The following COMT variants were observed in gnomAD, a reference collection of about 807,000 sequenced individuals.
The protein encoded by COMT is catechol-O-methyltransferase.
A neutral mutation model predicts 18.9 loss-of-function variants in COMT; 13 were observed. That is an observed-to-expected ratio of 0.69 (90% CI 0.45 to 1.09). COMT has a LOEUF of 1.09. Among genes scored for constraint, COMT ranks in the 50% least tolerant of loss-of-function variants. COMT has a pLI of 0.00. For missense variants in COMT, 329 were observed against 361.8 expected, an observed-to-expected ratio of 0.91 and a Z score of 0.73; for synonymous variants, 150 against 160.9, an observed-to-expected ratio of 0.93 and a Z score of 0.51.
intron 3 of COMT, among the ~76,000 whole-genome samples, chr22:19,963,054 C>T (rs569283361): frequency 4.1e-4 from 62 of 152,268 alleles, no homozygotes; most frequent in South Asian, 4.1e-4. Context: ...CAGGGTCTGA[C>T]GGTGGTGCAG....
rs1942642199 is a variant in COMT at position 19,969,803 on chromosome 22, C to CTCCA, written c.*1068_*1071dup. 1.0e-6 allele frequency: 1 copy of CTCCA among 979,280 alleles called. No homozygotes were observed. Among genetic ancestry groups the CTCCA allele is most frequent in the Admixed American group, 6.2e-5 (1 of 16,258 alleles). 60.7% of individuals were successfully genotyped at this position (979,280 alleles called of 1,614,324 possible). ...ACAGCAGATGGGCACCTGGGACCAC[C>CTCCA]TCCACCCAGGGCCCTGCCCCAGACG... On this transcript the variant is annotated 3_prime_UTR_variant, in exon 6 of 6. Transcript: ENST00000361682.
Position 19,964,280 on chromosome 22 carries a change from C to T in COMT, c.596C>T (p.Pro199Leu), listed in dbSNP as rs13306279. 323 of 1,613,900 alleles carry T rather than the reference C, an allele frequency of 2.0e-4. No individual in the cohort carries two copies. Among genetic ancestry groups the T allele is most frequent in the Middle Eastern group, 3.3e-4 (2 of 6,084 alleles). ...GACCACTGGAAGGACCGGTACCTGC[C>T]GGACACGCTTCTCTTGGAGGTGAGC... ...FLDHWKDRYLPDTLLLEECGL... is the reference protein window; with the variant it reads ...FLDHWKDRYLLDTLLLEECGL... The change falls in exon 5 of 6, where the codon CCG (proline) becomes CTG (leucine). Residue 199 changes from proline (P) to leucine (L), a missense_variant. Coordinates refer to ENST00000361682, the MANE Select transcript of COMT (RefSeq NM_000754.4).
intron 1 of COMT, among the ~76,000 whole-genome samples, chr22:19,948,088 T>C (rs569785221): frequency 2.0e-5 from 3 of 152,124 alleles, no homozygotes; most frequent in South Asian, 2.1e-4. Context: ...TAAAGAGTAA[T>C]TGCTACAAAC....
Position 19,941,831 on chromosome 22 carries a change from G to A in COMT, c.-158G>A. ...TCGTGGGGCTTCTGGGGCAGCTAGG[G>A]CTGCCCGCCGCGCTGCCTGCGCCGG... On this transcript the variant is annotated 5_prime_UTR_variant, in exon 1 of 6. Transcript: ENST00000361682. The A allele has an allele frequency of 6.7e-7, 1 of 1,500,010 alleles. No individual in the cohort carries two copies. Among genetic ancestry groups the A allele is most frequent in the Non-Finnish European group, 8.8e-7 (1 of 1,134,388 alleles). 92.9% of individuals were successfully genotyped at this position (1,500,010 alleles called of 1,614,324 possible).
intron 2 of COMT, chr22:19,962,291 C>G: frequency 1.6e-6 from 1 of 633,846 alleles, no homozygotes; most frequent in Non-Finnish European, 2.7e-6. Context: ...CCTGCAGGCT[C>G]CACACAGGAC....
At chr22:19,954,137 AC>A (rs1448044845) in intron 1 of COMT, among the ~76,000 whole-genome samples, 1 of 150,238 alleles carries the variant, frequency 6.7e-6, no homozygotes, top group Non-Finnish European at 1.5e-5. Context: ...AGACAAAGTC[AC>A]CGTGGTCCCT....
chr22:19,968,952 A>G lies in COMT; in HGVS notation c.*216A>G, dbSNP rs1291578329. 1.8e-6 allele frequency: 1 copy of G among 567,786 alleles called. No homozygotes were observed. The highest frequency in any genetic ancestry group is 3.2e-6 in the Non-Finnish European group (1 of 316,340). 35.2% of individuals were successfully genotyped at this position (567,786 alleles called of 1,614,324 possible). ...CATGACTTCTTTACTAACACTGGCT[A>G]GCTATATTATCTTATATACTAATAT... On this transcript the variant is annotated 3_prime_UTR_variant, in exon 6 of 6. Coordinates refer to ENST00000361682, the MANE Select transcript of COMT (RefSeq NM_000754.4).
chr22:19,951,996 T>C (rs1941949451), intron 1 of COMT, among the ~76,000 whole-genome samples: 1 of 152,130 alleles, frequency 6.6e-6, no homozygotes, highest in South Asian at 2.1e-4. Flanking sequence ...ATTTTAGGAA[T>C]GTGGCCTTGA....
intron 1 of COMT, among the ~76,000 whole-genome samples, chr22:19,957,456 G>A (rs1046018671): frequency 3.3e-5 from 5 of 152,176 alleles, no homozygotes; most frequent in African/African-American, 1.2e-4. Flanking sequence ...GTCATCTAGG[G>A]TGTGTCCAAT....
In COMT at chr22:19,962,904, C is replaced by T. The variant is rs1601527756; in HGVS notation, c.289+89C>T. 6.7e-7 allele frequency: 1 copy of T among 1,486,658 alleles called. No homozygotes were observed. The highest frequency in any genetic ancestry group is 9.1e-7 in the Non-Finnish European group (1 of 1,101,640). The allele number at this position is 1,486,658 out of a possible 1,614,324, so 92.1% of individuals were successfully genotyped here. A position where few individuals can be genotyped will look rare whatever the true frequency, so the allele number is the denominator to read the frequency against. ...CTTACAGGAGAAGCTGTTATCACCC[C>T]ATTTCCAGGGGGCTGGGAACCCTGG... On this transcript the variant is annotated intron_variant, in intron 3 of 5. Coordinates refer to ENST00000361682, the MANE Select transcript of COMT (RefSeq NM_000754.4).
At position 19,967,513 on chromosome 22, in the gene COMT, G is replaced by A. The variant is rs571240696; in HGVS notation, c.616-1023G>A. On this transcript the variant is annotated intron_variant, in intron 5 of 5. Coordinates refer to ENST00000361682, the MANE Select transcript of COMT (RefSeq NM_000754.4). ...CTTGCAGCCGTGTGGTGTCCATACT[G>A]TCACATGAAAGCCCCCTGCTTTCTC... The A allele has an allele frequency of 6.5e-5, 26 of 399,412 alleles. No individual in the cohort carries two copies. The Middle Eastern group carries it at 1.1e-3, about 17-fold the overall frequency. 24.7% of individuals were successfully genotyped at this position (399,412 alleles called of 1,614,324 possible). A position where few individuals can be genotyped will look rare whatever the true frequency, so the allele number is the denominator to read the frequency against.
At position 19,964,189 on chromosome 22, in the gene COMT, T is replaced by G. The variant is rs749246793; in HGVS notation, c.505T>G (p.Ser169Ala). 12 of 1,614,052 alleles carry G rather than the reference T, an allele frequency of 7.4e-6. No individual in the cohort carries two copies. The highest frequency in any genetic ancestry group is 9.3e-6 in the Non-Finnish European group (11 of 1,180,024). ...CCAGGTCACCCTTGTGGTTGGAGCG[T>G]CCCAGGACATCATCCCCCAGCTGAA... Reference protein sequence around the residue: ...KDKVTLVVGASQDIIPQLKKK... With the variant: ...KDKVTLVVGAAQDIIPQLKKK... Residue 169 changes from serine to alanine, a missense_variant, in exon 5 of 6, where the codon TCC becomes GCC. Physicochemically the swap from Ser to Ala is moderately conservative, Grantham distance 99 (BLOSUM62 1). Coordinates refer to ENST00000361682, the MANE Select transcript of COMT (RefSeq NM_000754.4).
At chr22:19,942,127 G>A in intron 1 of COMT, 1 of 298,524 alleles carries the variant, frequency 3.3e-6, no homozygotes, top group South Asian at 7.0e-5. Flanking sequence ...ACTCCTTGTG[G>A]AAAGCTGAGG....
In COMT at chr22:19,962,643, C is replaced by G. The variant is rs74745580; in HGVS notation, c.117C>G (p.Asn39Lys). The G allele has an allele frequency of 6.2e-7, 1 of 1,604,504 alleles. No homozygotes were observed. Among genetic ancestry groups the G allele is most frequent in the Non-Finnish European group, 8.5e-7 (1 of 1,176,752 alleles). The change falls in exon 3 of 6, where the codon AAC becomes AAG. Residue 39 changes from asparagine (N) to lysine (K), a missense_variant. Physicochemically the swap from Asn to Lys is moderately conservative, Grantham distance 94. Coordinates refer to ENST00000361682, the MANE Select transcript of COMT (RefSeq NM_000754.4). ...GGGGCCTGTGCCTTATCGGCTGGAA[C>G]GAGTTCATCCTGCAGCCCATCCACA... Reference protein sequence around the residue: ...WGWGLCLIGWNEFILQPIHNL... With the variant: ...WGWGLCLIGWKEFILQPIHNL...
At chr22:19,949,535 ATTC>A (rs1213416523) in intron 1 of COMT, among the ~76,000 whole-genome samples, 1 of 151,644 alleles carries the variant, frequency 6.6e-6, no homozygotes, top group Non-Finnish European at 1.5e-5. Flanking sequence ...TGTTTCCCTC[ATTC>A]TTATTGTTTC....
In COMT at chr22:19,969,374, T is replaced by C. The variant is rs1601551305; in HGVS notation, c.*638T>C. On this transcript the variant is annotated 3_prime_UTR_variant, in exon 6 of 6. Transcript: ENST00000361682. The stretch of plus-strand genomic sequence containing the variant: ...CCTCTGGGCCCCATGTGGCACAGAG[T>C]GGAAGCATCTCCTTCCCTACTCCCC... 1.3e-5 allele frequency: 2 copies of C among 152,882 alleles called. No individual in the cohort carries two copies. Among genetic ancestry groups the C allele is most frequent in the African/African-American group, 4.8e-5 (2 of 41,440 alleles). 9.5% of individuals were successfully genotyped at this position (152,882 alleles called of 1,614,324 possible).
intron 1 of COMT, among the ~76,000 whole-genome samples, chr22:19,958,292 G>A (rs1346349110): frequency 3.3e-5 from 5 of 151,258 alleles, no homozygotes; most frequent in South Asian, 4.2e-4. Flanking sequence ...AGCCTCCCAA[G>A]TATCTGGGAC....
intron 1 of COMT, among the ~76,000 whole-genome samples, chr22:19,956,137 C>CCTTTTTTTTTTT (rs1569129365): frequency 2.4e-5 from 2 of 84,818 alleles, no homozygotes; most frequent in Non-Finnish European, 4.2e-5. Context: ...TTCTTTTTTT[C>CCTTTTTTTTTTT]TTTTTTTTTT....
In COMT at chr22:19,964,151, G is replaced by C. The variant is rs1297207749; in HGVS notation, c.484-17G>C. The C allele has an allele frequency of 1.9e-6, 3 of 1,613,918 alleles. No individual in the cohort carries two copies. The highest frequency in any genetic ancestry group is 2.5e-6 in the Non-Finnish European group (3 of 1,180,046). ...TCCTGTCTGTGAGGACGTGGGCACT[G>C]ACAGGCGCTGTTCCAGGTCACCCTT... On this transcript the variant is annotated splice_polypyrimidine_tract_variant and intron_variant, in intron 4 of 5. Transcript: ENST00000361682.
Sources: allele counts gnomAD v4.1 joint callset (sites outside exome capture counted in the v4.1 genomes callset), GRCh38; gene constraint gnomAD v4.1.1; transcripts MANE v1.5; gene names NCBI Gene and HGNC (gene_info 2026-07-23, HGNC 2026-07-21).